The following SMG6 variants were observed in gnomAD, a reference collection of about 807,000 sequenced individuals.
The protein encoded by SMG6 is SMG6 nonsense mediated mRNA decay factor, also known as telomerase-binding protein EST1A.
A neutral mutation model predicts 142.2 loss-of-function variants in SMG6; 66 were observed. The observed-to-expected ratio is 0.46, with a 90% CI of 0.38 to 0.57. SMG6 has a LOEUF of 0.57. Among genes scored for constraint, SMG6 ranks in the 20% least tolerant of loss-of-function variants. The pLI is 0.00. For synonymous variants in SMG6, 779 were observed against 702.4 expected (o/e 1.11, Z -1.72); for missense variants, 1,793 against 1,832.0 (o/e 0.98, Z 0.39).
chr17:2,140,336 C>T (rs567865862), intron 13 of SMG6, among the ~76,000 whole-genome samples: 3 of 152,344 alleles, frequency 2.0e-5, no homozygotes, highest in South Asian at 2.1e-4. Context: ...GGGTTACAGG[C>T]GTAAGCCACT....
At chr17:2,250,954 A>G (rs2074033489) in intron 8 of SMG6, among the ~76,000 whole-genome samples, 1 of 152,118 alleles carries the variant, frequency 6.6e-6, no homozygotes, top group Non-Finnish European at 1.5e-5. Context: ...GGAAACCAAC[A>G]AGATAGGGTC....
chr17:2,299,120 G>C lies in SMG6; in HGVS notation c.1633C>G (p.Pro545Ala), dbSNP rs1555576112. The change falls in exon 2 of 19, where the codon CCA (proline) becomes GCA (alanine). Residue 545 changes from proline (P) to alanine (A), a missense_variant. Pro to Ala is a conservative substitution (Grantham distance 27). This residue lies in a region of SMG6 where 1,597 missense variants were observed against 1,584.6 expected (regional missense o/e 1.01). Coordinates refer to ENST00000263073, the MANE Select transcript of SMG6 (RefSeq NM_017575.5). This position sits in a 1 kb window ranked among gnomAD's most constrained non-coding sequence, Gnocchi z 4.3. The stretch of plus-strand genomic sequence containing the variant: ...TGTCCTGACGGAGTCGGGTAGCCTG[G>C]GTAGTAAGGCCCTGGGTACACACCA... ...TNGVYPGPYY[P>A]GYPTPSGQYV... is the part of the protein sequence containing the mutation. The C allele has an allele frequency of 6.2e-7, 1 of 1,614,010 alleles. No homozygotes were observed. Among genetic ancestry groups the C allele is most frequent in the Non-Finnish European group, 8.5e-7 (1 of 1,179,918 alleles).
chr17:2,252,532 AC>A (rs2074071204), intron 8 of SMG6, among the ~76,000 whole-genome samples: 1 of 152,144 alleles, frequency 6.6e-6, no homozygotes, highest in South Asian at 2.1e-4. Context: ...AGAGTTGAAA[AC>A]CTGGGTTCGA....
intron 10 of SMG6, among the ~76,000 whole-genome samples, chr17:2,206,738 A>C (rs949920575): frequency 6.6e-6 from 1 of 151,992 alleles, no homozygotes; most frequent in East Asian, 1.9e-4. Context: ...AAGTACAAAA[A>C]TTAGCTGGAT....
In SMG6 at chr17:2,186,745, T is replaced by C. The variant is rs374743111; in HGVS notation, c.3073A>G (p.Ser1025Gly). 5 of 1,614,214 alleles carry C rather than the reference T, an allele frequency of 3.1e-6. No homozygotes were observed. Among genetic ancestry groups the C allele is most frequent in the Non-Finnish European group, 4.2e-6 (5 of 1,180,032 alleles). ...FVPDLKELLP[S>G]VKVWSDWMLG... ...ATCCAATCTGACCAGACTTTGACAC[T>C]GGGGAGCAGCTCCTTCAGGTCCGGG... is the stretch of plus-strand genomic sequence containing the variant. Residue 1025 changes from serine (S) to glycine (G), a missense_variant, in exon 12 of 19, where the codon AGT becomes GGT. Coordinates refer to ENST00000263073, the MANE Select transcript of SMG6 (RefSeq NM_017575.5).
In SMG6 at chr17:2,061,629, G is replaced by A; in HGVS notation, c.4130-7C>T. 1 of 1,567,182 alleles carries A rather than the reference G, an allele frequency of 6.4e-7. No individual in the cohort carries two copies. Among genetic ancestry groups the A allele is most frequent in the Non-Finnish European group, 8.7e-7 (1 of 1,155,934 alleles). On this transcript the variant is annotated splice_region_variant and splice_polypyrimidine_tract_variant and intron_variant, in intron 18 of 18. Transcript: ENST00000263073. ...AGTAGCCGGATTGGCTCCTCTGTGG[G>A]CATGAGAGAGCAGAAGGCTGTCACT...
At chr17:2,222,753 T>C (rs1480822030) in intron 10 of SMG6, among the ~76,000 whole-genome samples, 1 of 152,168 alleles carries the variant, frequency 6.6e-6, no homozygotes, top group African/African-American at 2.4e-5. Flanking sequence ...GTTTCAAGAC[T>C]TTCTTTCCAA....
chr17:2,220,510 G>A (rs148378212), intron 10 of SMG6, among the ~76,000 whole-genome samples: 72 of 152,232 alleles, frequency 4.7e-4, no homozygotes, highest in Admixed American at 2.4e-3. Flanking sequence ...TGCGCTTGTA[G>A]TCCCAGCTAC....
At position 2,085,569 on chromosome 17, in the gene SMG6, G is replaced by C. The variant is rs975633243; in HGVS notation, c.3534+156C>G. ...GCACCGGGGTGGACTGGCAGGAAGG[G>C]GCACCATCAGAGCACACTCTCGAGA... is the stretch of plus-strand genomic sequence containing the variant. On this transcript the variant is annotated intron_variant, in intron 14 of 18. Coordinates refer to ENST00000263073, the MANE Select transcript of SMG6 (RefSeq NM_017575.5). The surrounding 1 kb of genome is among the most constrained non-coding windows in gnomAD (Gnocchi z 4.1). Among the ~76,000 whole-genome samples the C allele has an allele frequency of 1.3e-5, 2 of 152,148 alleles. No homozygotes were observed. The highest frequency in any genetic ancestry group is 4.8e-5 in the African/African-American group (2 of 41,422).
chr17:2,125,211 G>A (rs1012715415), intron 13 of SMG6, among the ~76,000 whole-genome samples: 3 of 152,120 alleles, frequency 2.0e-5, no homozygotes, highest in African/African-American at 7.2e-5. Context: ...GGTCTGATGT[G>A]GCAAGACTTG....
intron 8 of SMG6, among the ~76,000 whole-genome samples, chr17:2,250,952 A>G (rs1312414378): frequency 6.6e-6 from 1 of 152,138 alleles, no homozygotes; most frequent in Non-Finnish European, 1.5e-5. Flanking sequence ...GAGGAAACCA[A>G]CAAGATAGGG....
chr17:2,125,608 A>G (rs2069847589), intron 13 of SMG6, among the ~76,000 whole-genome samples: 1 of 152,266 alleles, frequency 6.6e-6, no homozygotes, highest in African/African-American at 2.4e-5. Flanking sequence ...TGCAGTTCCT[A>G]TCAAAATCCC....
At chr17:2,282,881 T>C in intron 7 of SMG6, 22 bp from the exon 8 acceptor site, 1 of 1,610,188 alleles carries the variant, frequency 6.2e-7, no homozygotes, top group South Asian at 1.1e-5. Context: ...ACAAACACAT[T>C]AGCTCATGGC....
At chr17:2,230,465 T>C (rs918260217) in intron 10 of SMG6, among the ~76,000 whole-genome samples, 3 of 152,012 alleles carry the variant, frequency 2.0e-5, no homozygotes, top group Non-Finnish European at 2.9e-5. Flanking sequence ...CATGGCTATC[T>C]TGGGGCAAAA....
chr17:2,229,002 A>C (rs1261656198), intron 10 of SMG6, among the ~76,000 whole-genome samples: 2 of 152,096 alleles, frequency 1.3e-5, no homozygotes, highest in Non-Finnish European at 2.9e-5. Flanking sequence ...AGCATGTGAG[A>C]GGCCTCTTTT....
chr17:2,224,663 G>C (rs2073265669), intron 10 of SMG6, among the ~76,000 whole-genome samples: 2 of 105,394 alleles, frequency 1.9e-5, no homozygotes, highest in South Asian at 3.8e-4. Context: ...AGAAAGCATG[G>C]GGAGATGCAG....
intron 10 of SMG6, chr17:2,236,020 C>T (rs1235432102): frequency 6.6e-6 from 1 of 152,262 alleles, no homozygotes; most frequent in Non-Finnish European, 1.5e-5. Flanking sequence ...GGTTCTTACT[C>T]CCTGGCAGGC....
intron 13 of SMG6, among the ~76,000 whole-genome samples, chr17:2,098,909 G>A (rs2068931807): frequency 6.6e-6 from 1 of 152,192 alleles, no homozygotes; most frequent in African/African-American, 2.4e-5. Context: ...GGAATTACAG[G>A]CGTGAGCCAC....
At chr17:2,099,164 G>A (rs544493236) in intron 13 of SMG6, among the ~76,000 whole-genome samples, 8 of 152,250 alleles carry the variant, frequency 5.3e-5, no homozygotes, top group Admixed American at 4.6e-4. Flanking sequence ...GACAATCCCA[G>A]AGGACATCAC....
Sources: gnomAD v4.1 joint callset for allele counts (sites outside exome capture counted in the v4.1 genomes callset) on GRCh38, gnomAD v4.1.1 for gene constraint, gnomAD v4.1.1 regional missense constraint, Gnocchi (gnomAD v3.1) non-coding constraint, MANE v1.5 for transcripts, NCBI Gene and HGNC (gene_info 2026-07-23, HGNC 2026-07-21) for gene names.